The following EIF2AK4 variants were observed in gnomAD, a reference collection of about 807,000 sequenced individuals.
EIF2AK4 encodes eIF-2-alpha kinase GCN2.
A neutral mutation model predicts 211.1 loss-of-function variants in EIF2AK4; 139 were observed. That is an observed-to-expected ratio of 0.66 (90% CI 0.57 to 0.76). The LOEUF is 0.76. Among genes scored for constraint, EIF2AK4 ranks in the 30% least tolerant of loss-of-function variants. The probability of loss-of-function intolerance (pLI) is 0.00; values close to 1 mark genes in which losing one functional copy is unlikely to be tolerated. For missense variants in EIF2AK4, 1,664 were observed against 2,043.8 expected (o/e 0.81, Z 3.58); for synonymous variants, 710 against 751.3 (o/e 0.94, Z 0.90).
intron 30 of EIF2AK4, chr15:40,020,460 C>G (rs2035369336): frequency 6.7e-6 from 1 of 149,996 alleles, no homozygotes; most frequent in South Asian, 2.1e-4. Flanking sequence ...CCAGCCTGGC[C>G]AACAAGCAGA....
At chr15:39,955,404 A>G (rs1297737563) in intron 5 of EIF2AK4, among the ~76,000 whole-genome samples, 1 of 152,156 alleles carries the variant, frequency 6.6e-6, no homozygotes, top group East Asian at 1.9e-4. Flanking sequence ...TAATTAGCAC[A>G]TCCGTCACTG....
chr15:40,016,372 A>G, intron 27 of EIF2AK4, 130 bp from the exon 28 acceptor site: 1 of 1,167,732 alleles, frequency 8.6e-7, no homozygotes, highest in Non-Finnish European at 1.2e-6. Context: ...CAAAGCCTAA[A>G]ATAATCTTTG....
chr15:39,943,954 C>T (rs943677626), intron 3 of EIF2AK4, among the ~76,000 whole-genome samples: 4 of 147,658 alleles, frequency 2.7e-5, no homozygotes, highest in Non-Finnish European at 1.5e-5. Flanking sequence ...GACCCTCTCT[C>T]TTAAAAAAAA....
In EIF2AK4 at chr15:39,973,609, T is replaced by G. The variant is rs1362082100; in HGVS notation, c.1678T>G (p.Tyr560Asp). The stretch of plus-strand genomic sequence containing the variant: ...TATCTCAGATTCTGAAGGACAAGAT[T>G]ATGTTGAGACTGTTATTCCTAGCAA... The part of the protein sequence containing the change: ...QSPEDSEGQD[Y>D]VETVIPSNRL... The change falls in exon 11 of 39, where the codon TAT (tyrosine) becomes GAT (aspartate). Residue 560 changes from tyrosine to aspartate, a missense_variant. By Grantham distance (160) the Tyr-to-Asp change is radical. Around this residue, in one of 7 missense-constraint regions of EIF2AK4, gnomAD observed 641 missense variants for 729.6 expected, o/e 0.88. Transcript: ENST00000263791. 1.2e-6 allele frequency: 2 copies of G among 1,613,280 alleles called. No homozygotes were observed. The highest frequency in any genetic ancestry group is 2.2e-5 in the South Asian group (2 of 90,904).
At chr15:40,011,198 C>T in intron 26 of EIF2AK4, 83 bp from the exon 27 acceptor site, 2 of 1,124,376 alleles carry the variant, frequency 1.8e-6, no homozygotes, top group South Asian at 2.6e-5. Context: ...GAAGGCTATA[C>T]TTGTTAGAAT....
rs980742957 is a variant in EIF2AK4, at chr15:40,029,258, T to A, written c.4503-148T>A. 4 of 1,364,748 alleles carry A rather than the reference T, an allele frequency of 2.9e-6. No homozygotes were observed. In the African/African-American group the frequency reaches 4.4e-5, roughly 15 times the overall value. 84.5% of individuals were successfully genotyped at this position (1,364,748 alleles called of 1,614,324 possible). A position where few individuals can be genotyped will look rare whatever the true frequency, so the allele number is the denominator to read the frequency against. On this transcript the variant is annotated intron_variant, in intron 33 of 38. Coordinates refer to ENST00000263791, the MANE Select transcript of EIF2AK4 (RefSeq NM_001013703.4). Reference sequence around the variant, plus strand: ...ACCAAAGCATAACTAAATGCAAATTTTTTGTTTTTGTTTTTCCACCAATAA... The same window carrying A: ...ACCAAAGCATAACTAAATGCAAATTATTTGTTTTTGTTTTTCCACCAATAA...
intron 16 of EIF2AK4, among the ~76,000 whole-genome samples, 194 bp downstream of exon 16, chr15:39,990,571 A>G (rs891306164): frequency 3.3e-5 from 5 of 152,226 alleles, no homozygotes. Context: ...TTTTGAGTGC[A>G]TTCCACTTGA....
chr15:40,008,945 A>G (rs2035199130), intron 25 of EIF2AK4, among the ~76,000 whole-genome samples: 1 of 152,186 alleles, frequency 6.6e-6, no homozygotes, highest in Non-Finnish European at 1.5e-5. Flanking sequence ...TGTGTGGACA[A>G]AAGTTAACAA....
intron 35 of EIF2AK4, among the ~76,000 whole-genome samples, chr15:40,031,483 G>A (rs2035542043): frequency 1.3e-5 from 2 of 152,112 alleles, no homozygotes; most frequent in South Asian, 2.1e-4. Flanking sequence ...CCAAGTTTCA[G>A]TTCTCACACC....
intron 27 of EIF2AK4, among the ~76,000 whole-genome samples, chr15:40,013,644 T>C (rs979529815): frequency 2.0e-5 from 3 of 152,184 alleles, no homozygotes; most frequent in Admixed American, 1.3e-4. Context: ...GTGAGACTTA[T>C]TCATTATCAC....
chr15:39,983,053 A>G (rs1037632298), intron 13 of EIF2AK4, among the ~76,000 whole-genome samples: 2 of 152,208 alleles, frequency 1.3e-5, no homozygotes, highest in Non-Finnish European at 2.9e-5. Flanking sequence ...TCCTTTGGGT[A>G]TATACCCAGT....
At chr15:39,973,561 CAT>C (rs2034653009) in intron 10 of EIF2AK4, 29 bp from the exon 11 acceptor site, 1 of 1,587,184 alleles carries the variant, frequency 6.3e-7, no homozygotes, top group African/African-American at 1.4e-5. Context: ...TCCAATGCCT[CAT>C]GTGCCTCTTA....
chr15:40,034,936 A>C, intron 38 of EIF2AK4, 91 bp from the exon 39 acceptor site: 2 of 1,003,062 alleles, frequency 2.0e-6, no homozygotes, highest in Non-Finnish European at 2.9e-6. Context: ...TTGCTTAAAT[A>C]AAGCTCCTAC....
intron 22 of EIF2AK4, 25 bp downstream of exon 22, chr15:40,002,813 A>C: frequency 6.2e-7 from 1 of 1,612,262 alleles, no homozygotes; most frequent in Non-Finnish European, 8.5e-7. Context: ...TTTAAAAATG[A>C]TATTTCTTCT....
chr15:39,974,468 A>G (rs1419942175), intron 11 of EIF2AK4: 1 of 152,200 alleles, frequency 6.6e-6, no homozygotes, highest in South Asian at 2.1e-4. Context: ...TGAGAGTATC[A>G]TTAGGAAGCA....
At chr15:40,026,433 G>T (rs2035466495) in intron 33 of EIF2AK4, among the ~76,000 whole-genome samples, 2 of 152,112 alleles carry the variant, frequency 1.3e-5, no homozygotes, top group South Asian at 4.1e-4. Flanking sequence ...CTCCAGCCTG[G>T]GTGAAGAGAA....
At position 39,939,699 on chromosome 15, in the gene EIF2AK4, T is replaced by C. The variant is rs1472324809; in HGVS notation, c.257+82T>C. 21 of 1,150,266 alleles carry C rather than the reference T, an allele frequency of 1.8e-5. No homozygotes were observed. In the East Asian group the frequency reaches 5.3e-4, roughly 29 times the overall value. 71.3% of individuals were successfully genotyped at this position (1,150,266 alleles called of 1,614,324 possible). On this transcript the variant is annotated intron_variant, in intron 2 of 38. Transcript: ENST00000263791. ...AGAAACAGATTGAAATTCGTAGTAT[T>C]TTCTCCTTCCTGCTCCCATTCCACA...
chr15:40,009,565 C>A, intron 25 of EIF2AK4, 49 bp from the exon 26 acceptor site: 1 of 1,182,084 alleles, frequency 8.5e-7, no homozygotes, highest in Non-Finnish European at 1.2e-6. Context: ...TGGTCATGTA[C>A]CAGTAATTGC....
intron 20 of EIF2AK4, 104 bp downstream of exon 20, chr15:39,998,888 C>G (rs1205037578): frequency 4.9e-5 from 46 of 947,596 alleles, no homozygotes; most frequent in South Asian, 4.0e-4. Flanking sequence ...TCTCTTGTGT[C>G]CTGGGAACAA....
Sources: gnomAD v4.1 joint callset for allele counts (sites outside exome capture counted in the v4.1 genomes callset) on GRCh38, gnomAD v4.1.1 for gene constraint, gnomAD v4.1.1 regional missense constraint, MANE v1.5 for transcripts, NCBI Gene and HGNC (gene_info 2026-07-23, HGNC 2026-07-21) for gene names.